Variants in ELP4 observed in about 807,000 individuals in gnomAD.
ELP4 encodes the protein elongator acetyltransferase complex subunit 4.
A neutral mutation model predicts 48.9 loss-of-function variants in ELP4; 51 were observed. The ratio of observed to expected loss-of-function variants is 1.04; its 90% CI spans 0.83 to 1.32. The LOEUF (loss-of-function observed/expected upper bound fraction) is 1.32, where lower values mean the gene tolerates loss of function less well. ELP4 is among the 40% of genes most tolerant of loss of function. The probability of loss-of-function intolerance (pLI) is 0.00; values close to 1 mark genes in which losing one functional copy is unlikely to be tolerated. For missense variants in ELP4, 519 were observed against 514.6 expected (o/e 1.01, Z -0.08); for synonymous variants, 210 against 189.2 (o/e 1.11, Z -0.90).
intron 9 of ELP4, among the ~76,000 whole-genome samples, chr11:31,690,983 C>T (rs969173611): frequency 6.6e-6 from 1 of 151,938 alleles, no homozygotes; most frequent in Non-Finnish European, 1.5e-5. Context: ...TAAAGAATAG[C>T]TGCTTTTGGC....
At chr11:31,636,652 A>AC (rs879343137) in intron 7 of ELP4, among the ~76,000 whole-genome samples, 32 of 151,974 alleles carry the variant, frequency 2.1e-4, no homozygotes, top group Non-Finnish European at 4.0e-4. Context: ...TATTGTTATA[A>AC]TAAGACTTTT....
intron 7 of ELP4, among the ~76,000 whole-genome samples, chr11:31,642,830 G>A (rs1945127363): frequency 1.3e-5 from 2 of 151,760 alleles, no homozygotes; most frequent in African/African-American, 4.8e-5. Flanking sequence ...AACTCTGGAG[G>A]AAGTGGGACA....
At chr11:31,614,408 T>C (rs1385963698) in intron 5 of ELP4, among the ~76,000 whole-genome samples, 1 of 152,172 alleles carries the variant, frequency 6.6e-6, no homozygotes, top group Non-Finnish European at 1.5e-5. Context: ...GAGTTCTCAC[T>C]GGGCATGTTG....
chr11:31,649,983 G>A, intron 8 of ELP4, 132 bp from the exon 9 acceptor site: 1 of 477,430 alleles, frequency 2.1e-6, no homozygotes, highest in Non-Finnish European at 3.8e-6. Context: ...ATTGCTCCTG[G>A]TAGTAAGCTC....
intron 9 of ELP4, among the ~76,000 whole-genome samples, chr11:31,717,960 C>T (rs1465397107): frequency 6.6e-6 from 1 of 152,058 alleles, no homozygotes; most frequent in Non-Finnish European, 1.5e-5. Context: ...CAATCAACTA[C>T]ACCCCACCCT....
intron 9 of ELP4, among the ~76,000 whole-genome samples, chr11:31,670,035 A>G (rs945732715): frequency 6.6e-6 from 1 of 152,158 alleles, no homozygotes; most frequent in Admixed American, 6.5e-5. Context: ...CCCTGCCAAT[A>G]TACTGACTTC....
At chr11:31,667,733 T>A (rs1945710431) in intron 9 of ELP4, among the ~76,000 whole-genome samples, 1 of 152,168 alleles carries the variant, frequency 6.6e-6, no homozygotes, top group Non-Finnish European at 1.5e-5. Context: ...TATTTCTGAA[T>A]AAGAGGGAGT....
chr11:31,687,719 T>C (rs1277974824), intron 9 of ELP4: 1 of 152,226 alleles, frequency 6.6e-6, no homozygotes, highest in East Asian at 1.9e-4. Flanking sequence ...GCAGAATAGA[T>C]AATTTTTCAA....
chr11:31,613,564 A>G (rs1358157583), intron 5 of ELP4, among the ~76,000 whole-genome samples: 1 of 152,142 alleles, frequency 6.6e-6, no homozygotes, highest in Non-Finnish European at 1.5e-5. Context: ...TTTTCTCAGT[A>G]AGAAACAGGA....
chr11:31,776,305 T>G (rs1948246791), intron 9 of ELP4, among the ~76,000 whole-genome samples: 1 of 152,036 alleles, frequency 6.6e-6, no homozygotes, highest in South Asian at 2.1e-4. Flanking sequence ...AATAGCAATT[T>G]TAAGGGAAAG....
intron 9 of ELP4, among the ~76,000 whole-genome samples, chr11:31,735,726 T>C (rs199736497): frequency 2.0e-4 from 31 of 152,264 alleles, no homozygotes; most frequent in African/African-American, 5.5e-4. Flanking sequence ...CCATTCACAA[T>C]TGCTTCAAAG....
At chr11:31,541,852 T>A (rs1320995257) in intron 3 of ELP4, among the ~76,000 whole-genome samples, 2 of 152,242 alleles carry the variant, frequency 1.3e-5, no homozygotes, top group Non-Finnish European at 2.9e-5. Context: ...CATCAAGCTT[T>A]TATAAAATAG....
At chr11:31,566,152 G>C (rs1272269967) in intron 3 of ELP4, among the ~76,000 whole-genome samples, 1 of 152,034 alleles carries the variant, frequency 6.6e-6, no homozygotes, top group African/African-American at 2.4e-5. Context: ...GAGCTCAGGA[G>C]TTCGAGACCA....
chr11:31,565,276 C>G (rs1359025655), intron 3 of ELP4, among the ~76,000 whole-genome samples: 1 of 151,818 alleles, frequency 6.6e-6, no homozygotes, highest in Admixed American at 6.6e-5. Context: ...GATATTAGCC[C>G]TTTGTCAGAT....
At chr11:31,517,133 AAC>A (rs1445182663) in intron 1 of ELP4, among the ~76,000 whole-genome samples, 1 of 152,184 alleles carries the variant, frequency 6.6e-6, no homozygotes, top group African/African-American at 2.4e-5. Context: ...CAAACTGTTT[AAC>A]ACATAATAGT....
intron 9 of ELP4, among the ~76,000 whole-genome samples, chr11:31,748,818 A>T (rs1565139188): frequency 6.6e-6 from 1 of 152,092 alleles, no homozygotes; most frequent in Non-Finnish European, 1.5e-5. Context: ...AGCCTGGTGG[A>T]CATAGCAAGA....
At chr11:31,532,798 T>G (rs1592089199) in intron 2 of ELP4, among the ~76,000 whole-genome samples, 1 of 144,302 alleles carries the variant, frequency 6.9e-6, no homozygotes, top group African/African-American at 2.6e-5. Flanking sequence ...TGAAATGGAG[T>G]TTTGCTCTCG....
At chr11:31,624,268 G>A (rs752434401) in intron 5 of ELP4, among the ~76,000 whole-genome samples, 1 of 151,588 alleles carries the variant, frequency 6.6e-6, no homozygotes, top group Non-Finnish European at 1.5e-5. Context: ...CAATTTCATC[G>A]AGTGTAATTA....
intron 4 of ELP4, among the ~76,000 whole-genome samples, chr11:31,597,952 CTTT>C (rs58093641): frequency 3.1e-5 from 3 of 96,296 alleles, no homozygotes; most frequent in East Asian, 3.3e-4. Context: ...AGCCTTTTCT[CTTT>C]TTTTTTTTTT....
Sources: allele counts gnomAD v4.1 joint callset (sites outside exome capture counted in the v4.1 genomes callset), GRCh38; gene constraint gnomAD v4.1.1; transcripts MANE v1.5; gene names NCBI Gene and HGNC (gene_info 2026-07-23, HGNC 2026-07-21).